The following TMTC1 variants were observed in gnomAD, a reference collection of about 807,000 sequenced individuals.
TMTC1 encodes transmembrane O-mannosyltransferase targeting cadherins 1.
TMTC1 carries 73 observed loss-of-function variants against 104.8 expected under a neutral mutation model. The ratio of observed to expected loss-of-function variants is 0.70; its 90% confidence interval spans 0.58 to 0.85. TMTC1 has a LOEUF of 0.85. Among genes scored for constraint, TMTC1 ranks in the 40% least tolerant of loss-of-function variants. The pLI is 0.00. For missense variants in TMTC1, 1,035 were observed against 1,096.1 expected (o/e 0.94, Z 0.79); for synonymous variants, 434 against 428.7 (o/e 1.01, Z -0.15).
At chr12:29,707,118 T>G (rs1233163347) in intron 5 of TMTC1, among the ~76,000 whole-genome samples, 1 of 152,142 alleles carries the variant, frequency 6.6e-6, no homozygotes, top group Non-Finnish European at 1.5e-5. Flanking sequence ...GCAAAATGGT[T>G]GCTTTTCACC....
At chr12:29,733,538 T>C (rs373632701) in intron 5 of TMTC1, among the ~76,000 whole-genome samples, 2 of 152,236 alleles carry the variant, frequency 1.3e-5, no homozygotes, top group Non-Finnish European at 2.9e-5. Context: ...TTTAGTGACA[T>C]AGGGAGGCTA....
At chr12:29,725,014 C>CTTTT (rs869135481) in intron 5 of TMTC1, among the ~76,000 whole-genome samples, 17 of 90,380 alleles carry the variant, frequency 1.9e-4, no homozygotes, top group East Asian at 7.0e-4. Context: ...CTGCCAAGTT[C>CTTTT]TTTTTTTTTT....
chr12:29,654,141 A>C (rs1939647332), intron 5 of TMTC1, among the ~76,000 whole-genome samples: 2 of 152,206 alleles, frequency 1.3e-5, no homozygotes, highest in African/African-American at 4.8e-5. Flanking sequence ...ATCATCAAGT[A>C]AGTGAAATGA....
At chr12:29,775,125 G>A (rs576861484) in intron 1 of TMTC1, among the ~76,000 whole-genome samples, 8 of 152,162 alleles carry the variant, frequency 5.3e-5, no homozygotes, top group East Asian at 1.9e-4. Context: ...AGCAAGTCCC[G>A]GAAGAAAATC....
chr12:29,654,097 C>A (rs2136613033), intron 5 of TMTC1, among the ~76,000 whole-genome samples: 1 of 152,138 alleles, frequency 6.6e-6, no homozygotes, highest in South Asian at 2.1e-4. Context: ...AATTGGACTT[C>A]ATCAAAATAA....
chr12:29,745,334 G>T (rs554771855), intron 5 of TMTC1, among the ~76,000 whole-genome samples: 5 of 152,150 alleles, frequency 3.3e-5, no homozygotes, highest in East Asian at 1.9e-4. Context: ...ACATTAAAAA[G>T]AAACTAGGCC....
intron 2 of TMTC1, among the ~76,000 whole-genome samples, chr12:29,764,519 T>A (rs900965351): frequency 9.9e-5 from 15 of 152,128 alleles, no homozygotes; most frequent in African/African-American, 3.4e-4. Flanking sequence ...AATAGTAATA[T>A]TAATAATTTA....
At position 29,691,732 on chromosome 12, in the gene TMTC1, A is replaced by C. The variant is rs1234000859; in HGVS notation, c.939-58396T>G. Among the ~76,000 whole-genome samples, 5 of 142,746 alleles carry C rather than the reference A, an allele frequency of 3.5e-5. 1 individual carries two copies. Among genetic ancestry groups the C allele is most frequent in the Non-Finnish European group, 6.1e-5 (4 of 65,732 alleles). 93.6% of individuals were successfully genotyped at this position (142,746 alleles called of 152,430 possible). ...CACCCAAAAGTAGGAAAAAAAAAAA[A>C]AAAAAACCTACTTCCCACAATGGTG... On this transcript the variant is annotated intron_variant, in intron 5 of 17. Transcript: ENST00000539277.
At chr12:29,561,541 A>G (rs56398900) in intron 9 of TMTC1, among the ~76,000 whole-genome samples, 18,363 of 152,210 alleles carry the variant, frequency 0.12, 1,395 homozygotes, top group African/African-American at 0.21. Flanking sequence ...AACACCCAGT[A>G]AGTGTGTAAG....
chr12:29,643,162 T>C (rs111310505), intron 5 of TMTC1, among the ~76,000 whole-genome samples: 8,563 of 151,890 alleles, frequency 0.056, 286 homozygotes, highest in African/African-American at 0.074. Flanking sequence ...GGCATGGATG[T>C]GGTGAACAGG....
At chr12:29,523,808 C>A (rs994308151) in intron 11 of TMTC1, among the ~76,000 whole-genome samples, 1 of 151,898 alleles carries the variant, frequency 6.6e-6, no homozygotes, top group Non-Finnish European at 1.5e-5. Context: ...TTAGGACTTA[C>A]CTGTTTAGGA....
chr12:29,603,436 GT>G (rs1173511784), intron 7 of TMTC1, among the ~76,000 whole-genome samples: 1 of 151,920 alleles, frequency 6.6e-6, no homozygotes, highest in Non-Finnish European at 1.5e-5. Context: ...ATTTTAGCGA[GT>G]TTACTAAAAT....
In TMTC1 at chr12:29,711,248, G is replaced by C. The variant is rs149885326; in HGVS notation, c.938+40418C>G. On this transcript the variant is annotated intron_variant, in intron 5 of 17. Coordinates refer to ENST00000539277, the MANE Select transcript of TMTC1 (RefSeq NM_001193451.2). The stretch of plus-strand genomic sequence containing the variant: ...TCTGCCTCAGATTCCCAAAATACTG[G>C]GATTATCCACTTGAGCCACTGCACA... Among the ~76,000 whole-genome samples the C allele has an allele frequency of 1.7e-3, 257 of 152,008 alleles. 1 individual carries two copies. The highest frequency in any genetic ancestry group is 5.9e-3 in the African/African-American group (243 of 41,462).
At position 29,537,136 on chromosome 12, in the gene TMTC1, C is replaced by T. The variant is rs35439792; in HGVS notation, c.1677-819G>A. On this transcript the variant is annotated intron_variant, in intron 10 of 17. Coordinates refer to ENST00000539277, the MANE Select transcript of TMTC1 (RefSeq NM_001193451.2). ...CAAGTTTGCTATTAATACAATTCCA[C>T]AGACACTAGTCTCTTGTTAAGTGCT... Among the ~76,000 whole-genome samples the T allele has an allele frequency of 9.5e-3, 1,454 of 152,272 alleles. 17 individuals are homozygous for T. Among genetic ancestry groups the T allele is most frequent in the South Asian group, 0.037 (180 of 4,816 alleles).
chr12:29,533,617 G>C (rs940326059), intron 11 of TMTC1: 1 of 152,168 alleles, frequency 6.6e-6, no homozygotes, highest in African/African-American at 2.4e-5. Flanking sequence ...GGTCAACCTG[G>C]AAAGAAGGTT....
In TMTC1 at chr12:29,506,838, C is replaced by A; in HGVS notation, c.*8G>T. On this transcript the variant is annotated 3_prime_UTR_variant, in exon 18 of 18. Coordinates refer to ENST00000539277, the MANE Select transcript of TMTC1 (RefSeq NM_001193451.2). ...CATTATCCTATGAGGTTGGGTCAGA[C>A]GGTGGTGCTATGTTTGATCCTTTTC... is the stretch of plus-strand genomic sequence containing the variant. The A allele has an allele frequency of 6.2e-7, 1 of 1,613,982 alleles. No homozygotes were observed. The highest frequency in any genetic ancestry group is 8.5e-7 in the Non-Finnish European group (1 of 1,179,906).
intron 5 of TMTC1, among the ~76,000 whole-genome samples, chr12:29,688,095 C>A (rs1405687206): frequency 6.6e-6 from 1 of 151,996 alleles, no homozygotes; most frequent in Non-Finnish European, 1.5e-5. Context: ...AAAAGAGCCC[C>A]CAGTCAAACA....
intron 5 of TMTC1, among the ~76,000 whole-genome samples, chr12:29,750,789 T>C (rs148603392): frequency 6.6e-6 from 1 of 152,228 alleles, no homozygotes. Flanking sequence ...GAAACTCAAC[T>C]CAGTGTAAAT....
intron 5 of TMTC1, among the ~76,000 whole-genome samples, chr12:29,651,235 T>C (rs576414123): frequency 6.6e-6 from 1 of 152,316 alleles, no homozygotes; most frequent in Admixed American, 6.5e-5. Context: ...TGGCTGTATA[T>C]TTTAAAAGAC....
Sources: allele counts gnomAD v4.1 joint callset (sites outside exome capture counted in the v4.1 genomes callset), GRCh38; gene constraint gnomAD v4.1.1; transcripts MANE v1.5; gene names NCBI Gene and HGNC (gene_info 2026-07-23, HGNC 2026-07-21).